MAPK8: variants seen among roughly 807,000 people sequenced by gnomAD.
The protein encoded by MAPK8 is JUN N-terminal kinase.
A neutral mutation model predicts 52.9 loss-of-function variants in MAPK8; 13 were observed. The observed-to-expected ratio is 0.25, with a 90% CI of 0.16 to 0.39. The LOEUF (loss-of-function observed/expected upper bound fraction) is 0.39, where lower values mean the gene tolerates loss of function less well. MAPK8 is among the 10% of genes least tolerant of loss of function. The pLI is 1.00. For synonymous variants in MAPK8, 191 were observed against 169.8 expected, an observed-to-expected ratio of 1.12 and a Z score of -0.97; for missense variants, 300 against 519.2, an observed-to-expected ratio of 0.58 and a Z score of 4.10.
At chr10:48,403,278 T>G (rs2042253743) in intron 2 of MAPK8, among the ~76,000 whole-genome samples, 2 of 152,124 alleles carry the variant, frequency 1.3e-5, no homozygotes, top group South Asian at 4.2e-4. Context: ...GCCAACATGG[T>G]GAAACCCTGT....
chr10:48,312,774 T>G (rs541845252), intron 1 of MAPK8, among the ~76,000 whole-genome samples: 2 of 152,350 alleles, frequency 1.3e-5, no homozygotes, highest in South Asian at 4.1e-4. Flanking sequence ...CTGTTACTAT[T>G]GAGAATTTAA....
intron 1 of MAPK8, among the ~76,000 whole-genome samples, chr10:48,365,397 C>A (rs922518197): frequency 2.0e-5 from 3 of 152,124 alleles, no homozygotes; most frequent in Non-Finnish European, 4.4e-5. Context: ...GCGAACTGAA[C>A]CCAAAGATAT....
At chr10:48,320,383 A>G (rs893767424) in intron 1 of MAPK8, among the ~76,000 whole-genome samples, 8 of 151,346 alleles carry the variant, frequency 5.3e-5, no homozygotes, top group African/African-American at 1.9e-4. Flanking sequence ...GACCACAGGC[A>G]CATGCCACCA....
rs142872642 is a variant in MAPK8, at chr10:48,319,881, A to G, written c.-50+13060A>G. On this transcript the variant is annotated intron_variant, in intron 1 of 11. Transcript: ENST00000374189. Reference sequence around the variant, plus strand: ...ACTTAGCATGATGTTTTTAAGGTTCATGTATCATGTATCAGTACTTCGTTT... The same window carrying G: ...ACTTAGCATGATGTTTTTAAGGTTCGTGTATCATGTATCAGTACTTCGTTT... Among the ~76,000 whole-genome samples the G allele has an allele frequency of 2.6e-4, 39 of 151,734 alleles. No individual in the cohort carries two copies. The East Asian group carries it at 7.6e-3, about 30-fold the overall frequency.
chr10:48,426,852 CA>C (rs1232857665), intron 9 of MAPK8: 1 of 490,760 alleles, frequency 2.0e-6, no homozygotes, highest in African/African-American at 1.9e-5. Context: ...TAAAATGTGG[CA>C]ATTTCAAGAG....
rs188232126 is a variant in MAPK8 at position 48,396,219 on chromosome 10, C to T, written c.-49-5393C>T. Among the ~76,000 whole-genome samples the T allele has an allele frequency of 4.0e-5, 6 of 151,868 alleles. No individual in the cohort carries two copies. The East Asian group carries it at 5.8e-4, about 15-fold the overall frequency. On this transcript the variant is annotated intron_variant, in intron 1 of 11. Coordinates refer to ENST00000374189, the MANE Select transcript of MAPK8 (RefSeq NM_001323329.2). Reference sequence around the variant, plus strand: ...TCGCATGTCTGATAAATGTGTATCCCGAATATATTTTAAAAGTCTCTAAAC... The same window carrying T: ...TCGCATGTCTGATAAATGTGTATCCTGAATATATTTTAAAAGTCTCTAAAC...
At chr10:48,344,994 G>GT (rs1477976389) in intron 1 of MAPK8, among the ~76,000 whole-genome samples, 6 of 152,068 alleles carry the variant, frequency 3.9e-5, no homozygotes, top group Non-Finnish European at 8.8e-5. Context: ...AGGGTTAAAA[G>GT]TTTTTTAAAA....
rs113214129 is a variant in MAPK8, at chr10:48,426,136, G to A, written c.871+66G>A. ...GTGTAGTGTGTGTGTATGGGTTTGT[G>A]TGTTTATATGTATTCATATTCTTAT... On this transcript the variant is annotated intron_variant, in intron 8 of 11. Transcript: ENST00000374189. 77,641 of 1,320,640 alleles carry A rather than the reference G, an allele frequency of 0.059. 4,010 individuals carry two copies. The highest frequency in any genetic ancestry group is 0.25 in the Admixed American group (10,905 of 43,822). 81.8% of individuals were successfully genotyped at this position (1,320,640 alleles called of 1,614,324 possible). A position where few individuals can be genotyped will look rare whatever the true frequency, so the allele number is the denominator to read the frequency against.
rs963578239 is a variant in MAPK8 at position 48,401,337 on chromosome 10, C to T, written c.-49-275C>T. Among the ~76,000 whole-genome samples the T allele has an allele frequency of 7.9e-5, 12 of 152,030 alleles. No homozygotes were observed. The East Asian group carries it at 1.9e-3, about 24-fold the overall frequency. ...TTTTAATTATTTGCTTTCTTTTGTT[C>T]GTCTTGTAAGTTATTAATGTATTAA... On this transcript the variant is annotated intron_variant, in intron 1 of 11. Coordinates refer to ENST00000374189, the MANE Select transcript of MAPK8 (RefSeq NM_001323329.2).
At chr10:48,351,063 A>T (rs1846274191) in intron 1 of MAPK8, among the ~76,000 whole-genome samples, 1 of 152,142 alleles carries the variant, frequency 6.6e-6, no homozygotes, top group South Asian at 2.1e-4. Flanking sequence ...CTTACAAGGG[A>T]TGTGAAGGAC....
At chr10:48,309,249 TCA>T (rs1057311522) in intron 1 of MAPK8, among the ~76,000 whole-genome samples, 6 of 152,364 alleles carry the variant, frequency 3.9e-5, no homozygotes, top group Admixed American at 3.9e-4. Flanking sequence ...TTTAGTATTT[TCA>T]CAGTGTTGTG....
chr10:48,353,370 G>GTA (rs1472357540), intron 1 of MAPK8, among the ~76,000 whole-genome samples: 2 of 152,172 alleles, frequency 1.3e-5, no homozygotes, highest in African/African-American at 4.8e-5. Context: ...AGACAGTGTA[G>GTA]TATTGGCAGA....
At chr10:48,371,022 C>G (rs993502937) in intron 1 of MAPK8, among the ~76,000 whole-genome samples, 10 of 151,940 alleles carry the variant, frequency 6.6e-5, no homozygotes, top group Non-Finnish European at 1.3e-4. Flanking sequence ...AAGGGTTGAC[C>G]AAGCAGATCA....
At chr10:48,308,889 A>G (rs374500728) in intron 1 of MAPK8, among the ~76,000 whole-genome samples, 2 of 152,352 alleles carry the variant, frequency 1.3e-5, no homozygotes, top group African/African-American at 4.8e-5. Context: ...GCTCTTTTCC[A>G]CTTACTAAAT....
intron 1 of MAPK8, among the ~76,000 whole-genome samples, chr10:48,319,067 C>CT (rs1291939475): frequency 6.6e-6 from 1 of 152,132 alleles, no homozygotes; most frequent in Non-Finnish European, 1.5e-5. Flanking sequence ...GTGGTTATCA[C>CT]TTTTAGTGTT....
chr10:48,382,038 A>T (rs1380614517), intron 1 of MAPK8, among the ~76,000 whole-genome samples: 1 of 152,206 alleles, frequency 6.6e-6, no homozygotes, highest in Non-Finnish European at 1.5e-5. Context: ...CACCATAGCC[A>T]GGAGACAACA....
intron 2 of MAPK8, among the ~76,000 whole-genome samples, chr10:48,402,506 A>G (rs775045853): frequency 6.6e-6 from 1 of 152,246 alleles, no homozygotes; most frequent in African/African-American, 2.4e-5. Context: ...CAAAAGCCTC[A>G]GGCTATATCA....
chr10:48,355,381 T>C (rs150726186), intron 1 of MAPK8, among the ~76,000 whole-genome samples: 18 of 148,488 alleles, frequency 1.2e-4, no homozygotes, highest in Non-Finnish European at 2.4e-4. Flanking sequence ...TAGTGGCGGG[T>C]GCCTGTAGTC....
At chr10:48,403,716 G>A (rs2133002182) in intron 2 of MAPK8, among the ~76,000 whole-genome samples, 1 of 151,784 alleles carries the variant, frequency 6.6e-6, no homozygotes, top group Non-Finnish European at 1.5e-5. Flanking sequence ...CCAGCTCTCT[G>A]TTCAGATTTT....
Sources: allele counts gnomAD v4.1 joint callset (sites outside exome capture counted in the v4.1 genomes callset), GRCh38; gene constraint gnomAD v4.1.1; transcripts MANE v1.5; gene names NCBI Gene and HGNC (gene_info 2026-07-23, HGNC 2026-07-21).